The following LEPR variants were observed in gnomAD, a reference collection of about 807,000 sequenced individuals.
LEPR encodes OB receptor.
Under a neutral mutation model 114.7 loss-of-function variants are expected in LEPR, and 56 were observed. The observed-to-expected ratio is 0.49, with a 90% CI of 0.39 to 0.61. LEPR has a LOEUF of 0.61. Ranked by LOEUF, LEPR falls within the 20% of genes least tolerant of loss-of-function variation. LEPR has a pLI of 0.00. For missense variants in LEPR, 1,202 were observed against 1,352.9 expected (o/e 0.89, Z 1.75); for synonymous variants, 443 against 461.4 (o/e 0.96, Z 0.51).
chr1:65,494,041 G>T (rs1648019021), intron 2 of LEPR: 1 of 152,118 alleles, frequency 6.6e-6, no homozygotes, highest in Non-Finnish European at 1.5e-5. Flanking sequence ...CTGTTACATG[G>T]TGCTATTGTT....
chr1:65,439,248 T>A (rs1646613756), intron 2 of LEPR, among the ~76,000 whole-genome samples: 1 of 152,072 alleles, frequency 6.6e-6, no homozygotes, highest in Admixed American at 6.6e-5. Context: ...CCGGTAAGAT[T>A]TTTAGGAGAA....
In LEPR at chr1:65,637,063, G is replaced by C. The variant is rs987448071; in HGVS notation, c.*48G>C. 52 of 1,553,144 alleles carry C rather than the reference G, an allele frequency of 3.3e-5. No individual in the cohort carries two copies. The highest frequency in any genetic ancestry group is 4.4e-5 in the Non-Finnish European group (50 of 1,139,538). The stretch of plus-strand genomic sequence containing the variant: ...TTTGTGTTATAATGGGTAATATAAA[G>C]TGTAATAGATTATAGTTGTGGGTGG... On this transcript the variant is annotated 3_prime_UTR_variant, in exon 20 of 20. Transcript: ENST00000349533.
At chr1:65,521,348 T>C (rs1436351523) in intron 2 of LEPR, among the ~76,000 whole-genome samples, 2 of 152,306 alleles carry the variant, frequency 1.3e-5, no homozygotes, top group East Asian at 3.9e-4. Context: ...AAAACAGCCA[T>C]CTGACTCAAA....
At chr1:65,431,433 C>G (rs1176697717) in intron 2 of LEPR, among the ~76,000 whole-genome samples, 1 of 152,206 alleles carries the variant, frequency 6.6e-6, no homozygotes, top group East Asian at 1.9e-4. Flanking sequence ...AAATTTATAA[C>G]TCTACAATTT....
intron 19 of LEPR, chr1:65,626,432 C>A (rs2101025432): frequency 4.1e-6 from 2 of 491,452 alleles, no homozygotes; most frequent in East Asian, 1.5e-4. Flanking sequence ...TTTTTAAGCA[C>A]AGCTAACCCA....
intron 2 of LEPR, among the ~76,000 whole-genome samples, chr1:65,522,419 G>A (rs562272783): frequency 4.1e-4 from 62 of 152,238 alleles, no homozygotes; most frequent in African/African-American, 1.4e-3. Context: ...CGACTGGTGC[G>A]GGGATGGGCC....
intron 1 of LEPR, among the ~76,000 whole-genome samples, chr1:65,423,589 C>T (rs1397432230): frequency 6.6e-6 from 1 of 152,178 alleles, no homozygotes; most frequent in Non-Finnish European, 1.5e-5. Context: ...TCCATCCACA[C>T]ATGGGCATTT....
chr1:65,622,935 C>T lies in LEPR; in HGVS notation c.2627C>T (p.Pro876Leu), dbSNP rs1439364907. 6.2e-6 allele frequency: 10 copies of T among 1,613,752 alleles called. No individual in the cohort carries two copies. The highest frequency in any genetic ancestry group is 3.3e-5 in the South Asian group (3 of 91,066). The change falls in exon 19 of 20, where the codon CCG (proline) becomes CTG (leucine). Residue 876 changes from proline (P) to leucine (L), a missense_variant. By Grantham distance (98) the Pro-to-Leu change is moderately conservative. Coordinates refer to ENST00000349533, the MANE Select transcript of LEPR (RefSeq NM_002303.6). ...RMKKLFWEDVPNPKNCSWAQG... is the reference protein window; with the variant it reads ...RMKKLFWEDVLNPKNCSWAQG... Reference sequence around the variant, plus strand: ...AAAAAGCTATTTTGGGAAGATGTTCCGAACCCCAAGAATTGTTCCTGGGCA... The same window carrying T: ...AAAAAGCTATTTTGGGAAGATGTTCTGAACCCCAAGAATTGTTCCTGGGCA...
chr1:65,430,597 C>G (rs1200798750), intron 2 of LEPR, among the ~76,000 whole-genome samples: 3 of 152,158 alleles, frequency 2.0e-5, no homozygotes, highest in Non-Finnish European at 4.4e-5. Flanking sequence ...CACTGTCTTT[C>G]CTACTATTTG....
At chr1:65,512,005 G>T (rs917011829) in intron 2 of LEPR, among the ~76,000 whole-genome samples, 8 of 152,162 alleles carry the variant, frequency 5.3e-5, no homozygotes, top group African/African-American at 1.9e-4. Context: ...TTCTGGGGAC[G>T]CCTCAGGAAG....
At chr1:65,486,436 A>G (rs970661737) in intron 2 of LEPR, 12 of 152,202 alleles carry the variant, frequency 7.9e-5, no homozygotes, top group African/African-American at 2.9e-4. Context: ...TGTGAAGCAT[A>G]AAATGTGACC....
intron 2 of LEPR, chr1:65,435,316 T>C: frequency 1.0e-6 from 1 of 985,256 alleles, no homozygotes; most frequent in Non-Finnish European, 1.2e-6. Context: ...ACCTTCTTTA[T>C]GTTCTCAGGG....
intron 2 of LEPR, among the ~76,000 whole-genome samples, chr1:65,508,909 G>A (rs922866672): frequency 3.3e-5 from 5 of 151,836 alleles, no homozygotes; most frequent in Admixed American, 2.0e-4. Flanking sequence ...CCACTTCCTC[G>A]GTTAAATTAC....
chr1:65,458,605 CTTCT>C (rs1000602387), intron 2 of LEPR, among the ~76,000 whole-genome samples: 17 of 152,098 alleles, frequency 1.1e-4, no homozygotes, highest in Admixed American at 5.2e-4. Flanking sequence ...CTTCCTATAG[CTTCT>C]TTAAGGATTT....
chr1:65,453,412 C>T (rs1557599596), intron 2 of LEPR, among the ~76,000 whole-genome samples: 1 of 152,000 alleles, frequency 6.6e-6, no homozygotes, highest in Admixed American at 6.6e-5. Flanking sequence ...CTCTTGTGGG[C>T]ATTTAGTGCT....
chr1:65,625,540 A>G (rs761609334), intron 19 of LEPR, among the ~76,000 whole-genome samples: 13 of 152,234 alleles, frequency 8.5e-5, no homozygotes, highest in Non-Finnish European at 1.9e-4. Context: ...TGTTACATGT[A>G]TATAACATAT....
intron 2 of LEPR, among the ~76,000 whole-genome samples, chr1:65,443,927 G>A (rs1646680586): frequency 6.7e-6 from 1 of 150,328 alleles, no homozygotes; most frequent in Non-Finnish European, 1.5e-5. Flanking sequence ...AACTCAATAA[G>A]AAAAGGAGAC....
chr1:65,600,729 TA>T (rs998252262), intron 8 of LEPR, among the ~76,000 whole-genome samples: 2 of 152,060 alleles, frequency 1.3e-5, no homozygotes, highest in African/African-American at 2.4e-5. Context: ...GTGTAGGCAT[TA>T]AAAAAATCAT....
intron 2 of LEPR, among the ~76,000 whole-genome samples, chr1:65,452,289 G>A (rs1226465068): frequency 1.3e-5 from 2 of 151,170 alleles, no homozygotes. Flanking sequence ...CTGCCTAATT[G>A]CCCTGGCCAG....
Sources: gnomAD v4.1 joint callset for allele counts (sites outside exome capture counted in the v4.1 genomes callset) on GRCh38, gnomAD v4.1.1 for gene constraint, MANE v1.5 for transcripts, NCBI Gene and HGNC (gene_info 2026-07-23, HGNC 2026-07-21) for gene names.